SETBP1: variants seen among roughly 807,000 people sequenced by gnomAD.
SETBP1 encodes SET binding protein 1.
Under a neutral mutation model 101.0 loss-of-function variants are expected in SETBP1, and 9 were observed. That is an observed-to-expected ratio of 0.09 (90% CI 0.05 to 0.16). SETBP1 has a LOEUF of 0.16. SETBP1 is among the 10% of genes least tolerant of loss of function. The pLI is 1.00. For synonymous variants in SETBP1, 818 were observed against 788.5 expected, an observed-to-expected ratio of 1.04 and a Z score of -0.63; for missense variants, 1,858 against 2,033.8, an observed-to-expected ratio of 0.91 and a Z score of 1.66.
At chr18:44,803,302 T>A (rs1480360372) in intron 2 of SETBP1, among the ~76,000 whole-genome samples, 1 of 152,172 alleles carries the variant, frequency 6.6e-6, no homozygotes, top group East Asian at 1.9e-4. Context: ...GCCCAGGCCC[T>A]TGGCACGGCT....
chr18:44,839,518 G>T (rs558076990), intron 2 of SETBP1, among the ~76,000 whole-genome samples: 1 of 152,198 alleles, frequency 6.6e-6, no homozygotes, highest in Non-Finnish European at 1.5e-5. Flanking sequence ...ACCATGGGAC[G>T]TGCCCTCTGC....
At chr18:44,875,150 C>G (rs1165440145) in intron 3 of SETBP1, among the ~76,000 whole-genome samples, 1 of 152,082 alleles carries the variant, frequency 6.6e-6, no homozygotes, top group Non-Finnish European at 1.5e-5. Context: ...TCATGTTTTT[C>G]AGAACAAAGT....
chr18:44,771,050 A>G (rs1257041627), intron 2 of SETBP1, among the ~76,000 whole-genome samples: 1 of 151,758 alleles, frequency 6.6e-6, no homozygotes, highest in African/African-American at 2.4e-5. Context: ...CAATACCATG[A>G]TCTCTGATAG....
intron 2 of SETBP1, among the ~76,000 whole-genome samples, chr18:44,801,180 A>G (rs1419121651): frequency 6.6e-6 from 1 of 152,180 alleles, no homozygotes; most frequent in Non-Finnish European, 1.5e-5. Context: ...TACCTAATGT[A>G]AATGACGAGT....
At chr18:44,810,248 C>G (rs1344876770) in intron 2 of SETBP1, among the ~76,000 whole-genome samples, 5 of 152,330 alleles carry the variant, frequency 3.3e-5, no homozygotes, top group East Asian at 1.9e-4. Context: ...ATCGATAGTA[C>G]TGGATCTGGG....
intron 2 of SETBP1, among the ~76,000 whole-genome samples, chr18:44,812,322 A>G (rs996058255): frequency 4.6e-5 from 7 of 152,162 alleles, no homozygotes; most frequent in African/African-American, 1.7e-4. Context: ...TGCAAATTCA[A>G]TAATTTTTTC....
intron 3 of SETBP1, among the ~76,000 whole-genome samples, chr18:44,937,454 CAA>C (rs34414710): frequency 0.024 from 2,010 of 83,288 alleles, 15 homozygotes; most frequent in Admixed American, 0.055. Context: ...GACTCCGTCT[CAA>C]AAAAAAAAAA....
At chr18:44,991,795 A>G (rs2145289648) in intron 4 of SETBP1, among the ~76,000 whole-genome samples, 1 of 152,326 alleles carries the variant, frequency 6.6e-6, no homozygotes, top group African/African-American at 2.4e-5. Flanking sequence ...ATCTAATTGT[A>G]ATAAACACGC....
chr18:44,961,581 A>T (rs1158606441), intron 4 of SETBP1, among the ~76,000 whole-genome samples: 1 of 152,192 alleles, frequency 6.6e-6, no homozygotes, highest in African/African-American at 2.4e-5. Context: ...ATAGGCCTTA[A>T]GTCTAAGTTT....
intron 4 of SETBP1, among the ~76,000 whole-genome samples, chr18:45,000,351 G>C (rs1280928779): frequency 6.6e-6 from 1 of 152,218 alleles, no homozygotes; most frequent in African/African-American, 2.4e-5. Flanking sequence ...AGGTGTGAGA[G>C]CTAGGCCCAA....
intron 4 of SETBP1, among the ~76,000 whole-genome samples, chr18:44,984,156 G>T (rs2072177184): frequency 6.6e-6 from 1 of 152,136 alleles, no homozygotes; most frequent in Non-Finnish European, 1.5e-5. Flanking sequence ...AGCTGAGGTT[G>T]CACTCTAGCC....
At chr18:45,001,963 T>C (rs189199469) in intron 4 of SETBP1, among the ~76,000 whole-genome samples, 2 of 152,280 alleles carry the variant, frequency 1.3e-5, no homozygotes, top group Admixed American at 1.3e-4. Context: ...ATCTCATGCA[T>C]TATCCAAGGC....
chr18:44,877,376 C>T (rs2069430843), intron 3 of SETBP1: 1 of 979,840 alleles, frequency 1.0e-6, no homozygotes, highest in Non-Finnish European at 1.2e-6. Context: ...TTAACCAACA[C>T]TGAGCTTTCC....
intron 2 of SETBP1, among the ~76,000 whole-genome samples, chr18:44,733,999 C>T (rs2069902422): frequency 1.3e-5 from 2 of 152,130 alleles, no homozygotes; most frequent in Non-Finnish European, 2.9e-5. Flanking sequence ...CAATTCAGGG[C>T]CTTCACAGAG....
Position 44,962,520 on chromosome 18 carries a change from A to G in SETBP1, c.4000+9180A>G, listed in dbSNP as rs190751189. 7.0e-4 allele frequency among the ~76,000 whole-genome samples: 107 copies of G among 152,308 alleles called. 1 individual carries two copies. The highest frequency in any genetic ancestry group is 2.5e-3 in the African/African-American group (104 of 41,560). On this transcript the variant is annotated intron_variant, in intron 4 of 5. Coordinates refer to ENST00000649279, the MANE Select transcript of SETBP1 (RefSeq NM_015559.3). Reference sequence around the variant, plus strand: ...AAACATGCCTGTCCTCAATGACCTTATACAGCCATCAGGAGACAAGAGATG... The same window carrying G: ...AAACATGCCTGTCCTCAATGACCTTGTACAGCCATCAGGAGACAAGAGATG...
chr18:44,926,840 G>T (rs2070717286), intron 3 of SETBP1, among the ~76,000 whole-genome samples: 1 of 152,210 alleles, frequency 6.6e-6, no homozygotes, highest in South Asian at 2.1e-4. Flanking sequence ...AAAAGCTTCA[G>T]GTTCAGGTCA....
chr18:44,699,858 A>C (rs1331211248), intron 1 of SETBP1, among the ~76,000 whole-genome samples: 3 of 152,214 alleles, frequency 2.0e-5, no homozygotes, highest in Non-Finnish European at 4.4e-5. Context: ...GACAGAAGAC[A>C]AACGTCTGGT....
At chr18:44,745,823 G>A (rs928760213) in intron 2 of SETBP1, among the ~76,000 whole-genome samples, 1 of 152,236 alleles carries the variant, frequency 6.6e-6, no homozygotes, top group African/African-American at 2.4e-5. Context: ...CATCAGGGAA[G>A]GCTCCTGGAG....
chr18:44,766,467 C>T (rs1203825885), intron 2 of SETBP1, among the ~76,000 whole-genome samples: 1 of 152,110 alleles, frequency 6.6e-6, no homozygotes, highest in Non-Finnish European at 1.5e-5. Context: ...TGTACAATTC[C>T]ATCTATACAA....
Sources: gnomAD v4.1 joint callset for allele counts (sites outside exome capture counted in the v4.1 genomes callset) on GRCh38, gnomAD v4.1.1 for gene constraint, MANE v1.5 for transcripts, NCBI Gene and HGNC (gene_info 2026-07-23, HGNC 2026-07-21) for gene names.